Variants in EBF1 observed in about 807,000 individuals in gnomAD.
EBF1 encodes the protein transcription factor COE1.
Under a neutral mutation model 68.4 loss-of-function variants are expected in EBF1, and 10 were observed. The ratio of observed to expected loss-of-function variants is 0.15; its 90% CI spans 0.09 to 0.25. The LOEUF is 0.25. Among genes scored for constraint, EBF1 ranks in the 10% least tolerant of loss-of-function variants. EBF1 has a pLI of 1.00. For synonymous variants in EBF1, 298 were observed against 299.8 expected (o/e 0.99, Z 0.06); for missense variants, 509 against 794.4 (o/e 0.64, Z 4.32).
intron 8 of EBF1, among the ~76,000 whole-genome samples, chr5:158,813,039 T>G (rs113347819): frequency 0.058 from 8,817 of 152,220 alleles, 351 homozygotes; most frequent in Non-Finnish European, 0.078. Flanking sequence ...AAAGAATTAT[T>G]ACTTCCCCCA....
In EBF1 at chr5:158,823,317, C is replaced by T; in HGVS notation, c.637G>A (p.Val213Ile). The change falls in exon 8 of 16, where the codon GTC becomes ATC. Residue 213 changes from valine to isoleucine, a missense_variant and splice_region_variant. Physicochemically the swap from Val to Ile is conservative, Grantham distance 29 (BLOSUM62 3). Transcript: ENST00000313708. ...ACATTGACTGTCGTAGACACCACGA[C>T]CTGGAGACATAAGAAAGAAATGAAT... ...GNPRDMRRFQVVVSTTVNVDG... is the reference protein window; with the variant it reads ...GNPRDMRRFQIVVSTTVNVDG... 1 of 1,603,586 alleles carries T rather than the reference C, an allele frequency of 6.2e-7. No individual in the cohort carries two copies. The highest frequency in any genetic ancestry group is 8.5e-7 in the Non-Finnish European group (1 of 1,175,118).
At chr5:159,099,319 G>C (rs1202015233) in intron 1 of EBF1, 26 bp downstream of exon 1, 3 of 1,508,330 alleles carry the variant, frequency 2.0e-6, no homozygotes, top group African/African-American at 2.9e-5. Context: ...GGCTCACCTC[G>C]GCCGCGGTCC....
intron 10 of EBF1, among the ~76,000 whole-genome samples, chr5:158,749,585 A>C (rs564286022): frequency 1.3e-5 from 2 of 152,228 alleles, no homozygotes; most frequent in South Asian, 4.1e-4. Context: ...AAAACTGTGA[A>C]AGTGGGCTCT....
chr5:158,764,193 T>C (rs979444491), intron 10 of EBF1, among the ~76,000 whole-genome samples: 3 of 152,222 alleles, frequency 2.0e-5, no homozygotes, highest in Admixed American at 2.0e-4. Flanking sequence ...GTCATGATTC[T>C]AGAGCTCTAT....
At position 159,000,719 on chromosome 5, in the gene EBF1, C is replaced by A. The variant is rs12187379; in HGVS notation, c.554+72677G>T. On this transcript the variant is annotated intron_variant, in intron 6 of 15. Coordinates refer to ENST00000313708, the MANE Select transcript of EBF1 (RefSeq NM_024007.5). ...AATGGTGATATTAATGAACATAAAT[C>A]GTTGATATTGTCTAACAAAGTATGT... Among the ~76,000 whole-genome samples the A allele has an allele frequency of 2.0e-5, 3 of 152,042 alleles. No individual in the cohort carries two copies. The South Asian group carries it at 6.2e-4, about 32-fold the overall frequency.
intron 6 of EBF1, among the ~76,000 whole-genome samples, chr5:159,020,706 G>C (rs1766511881): frequency 6.6e-6 from 1 of 152,158 alleles, no homozygotes; most frequent in South Asian, 2.1e-4. Flanking sequence ...ATTCTTCCCA[G>C]CTGGATTGTA....
At chr5:158,840,447 C>T (rs1055917854) in intron 6 of EBF1, among the ~76,000 whole-genome samples, 7 of 152,076 alleles carry the variant, frequency 4.6e-5, no homozygotes, top group African/African-American at 1.4e-4. Flanking sequence ...TACTCATGGT[C>T]CCCAACGACA....
intron 6 of EBF1, among the ~76,000 whole-genome samples, chr5:158,951,358 C>T (rs971534239): frequency 4.6e-5 from 7 of 152,172 alleles, no homozygotes; most frequent in Admixed American, 3.3e-4. Context: ...GGGAACTTGG[C>T]GTCAACTTGA....
chr5:158,835,743 C>T (rs1189306370), intron 7 of EBF1, among the ~76,000 whole-genome samples: 3 of 152,116 alleles, frequency 2.0e-5, no homozygotes, highest in Admixed American at 6.5e-5. Flanking sequence ...TATACCACTG[C>T]CTTACCATTT....
chr5:158,705,586 C>A (rs1371392387), intron 15 of EBF1, among the ~76,000 whole-genome samples: 2 of 152,190 alleles, frequency 1.3e-5, no homozygotes, highest in Admixed American at 6.5e-5. Flanking sequence ...AGGACAAATG[C>A]ACAAACTTTG....
chr5:158,969,916 GAA>G (rs61157554), intron 6 of EBF1, among the ~76,000 whole-genome samples: 2,659 of 79,948 alleles, frequency 0.033, 250 homozygotes, highest in Admixed American at 0.041. Flanking sequence ...AAGAAAGAAA[GAA>G]AAAAAAAAAA....
At chr5:159,049,848 G>A (rs1773179662) in intron 6 of EBF1, among the ~76,000 whole-genome samples, 1 of 152,172 alleles carries the variant, frequency 6.6e-6, no homozygotes, top group African/African-American at 2.4e-5. Context: ...TGCTTATCTG[G>A]TGATAATCTC....
At chr5:158,855,033 T>G (rs1793704978) in intron 6 of EBF1, among the ~76,000 whole-genome samples, 3 of 152,078 alleles carry the variant, frequency 2.0e-5, no homozygotes, top group Non-Finnish European at 4.4e-5. Flanking sequence ...AGAACCAGGA[T>G]CTGGGCCCAG....
chr5:158,777,435 T>C lies in EBF1; in HGVS notation c.1014A>G (p.Thr338=). Reference sequence around the variant, plus strand: ...TACCTGTATAAATGAATCTGCCTGGTGTTCCTTTGCAGAACTGCTTAGATT... The same window carrying C: ...TACCTGTATAAATGAATCTGCCTGGCGTTCCTTTGCAGAACTGCTTAGATT... The part of the protein sequence containing the change: ...SYKSKQFCKG[T]PGRFIYTALN... Residue 338 remains threonine, a synonymous_variant, in exon 10 of 16, where the codon ACA becomes ACG. Coordinates refer to ENST00000313708, the MANE Select transcript of EBF1 (RefSeq NM_024007.5). 1.2e-6 allele frequency: 2 copies of C among 1,612,214 alleles called. No individual in the cohort carries two copies. The highest frequency in any genetic ancestry group is 2.2e-5 in the East Asian group (1 of 44,826).
intron 15 of EBF1, among the ~76,000 whole-genome samples, chr5:158,699,477 TAGTG>T (rs1756289795): frequency 6.6e-6 from 1 of 152,184 alleles, no homozygotes; most frequent in African/African-American, 2.4e-5. Flanking sequence ...CCTTGCAAAA[TAGTG>T]AGAATTTTCA....
chr5:158,992,889 G>T (rs1327802640), intron 6 of EBF1, among the ~76,000 whole-genome samples: 2 of 148,784 alleles, frequency 1.3e-5, no homozygotes, highest in Admixed American at 6.7e-5. Flanking sequence ...TCCACTAAGG[G>T]GTATATTAAG....
At chr5:158,842,321 G>T (rs1461584946) in intron 6 of EBF1, among the ~76,000 whole-genome samples, 2 of 152,172 alleles carry the variant, frequency 1.3e-5, no homozygotes, top group African/African-American at 4.8e-5. Flanking sequence ...CTTGAATCTT[G>T]CTAGGGTTCA....
At chr5:159,061,280 GGA>G (rs1264391672) in intron 6 of EBF1, among the ~76,000 whole-genome samples, 1 of 152,048 alleles carries the variant, frequency 6.6e-6, no homozygotes, top group East Asian at 1.9e-4. Context: ...AGGGCTCTGT[GGA>G]ACCAGCTGGT....
intron 6 of EBF1, among the ~76,000 whole-genome samples, chr5:158,973,744 G>A (rs544662834): frequency 3.3e-4 from 50 of 152,092 alleles, no homozygotes; most frequent in African/African-American, 1.1e-3. Context: ...TTTATCTTCC[G>A]TGGTAAAAAT....
Sources: allele counts gnomAD v4.1 joint callset (sites outside exome capture counted in the v4.1 genomes callset), GRCh38; gene constraint gnomAD v4.1.1; transcripts MANE v1.5; gene names NCBI Gene and HGNC (gene_info 2026-07-23, HGNC 2026-07-21).